KIAA1671: variants seen among roughly 807,000 people sequenced by gnomAD.
KIAA1671 encodes the protein uncharacterized protein KIAA1671.
KIAA1671 carries 52 observed loss-of-function variants against 131.2 expected under a neutral mutation model. That is an observed-to-expected ratio of 0.40 (90% CI 0.32 to 0.50). KIAA1671 has a LOEUF of 0.50. KIAA1671 is among the 20% of genes least tolerant of loss of function. The pLI, the probability that KIAA1671 is intolerant of heterozygous loss-of-function variation, is 0.73. For synonymous variants in KIAA1671, 1,003 were observed against 961.6 expected (o/e 1.04, Z -0.80); for missense variants, 2,360 against 2,364.2 (o/e 1.00, Z 0.04).
chr22:25,048,955 T>A, intron 5 of KIAA1671: 1 of 406,864 alleles, frequency 2.5e-6, no homozygotes, highest in South Asian at 3.2e-5. Flanking sequence ...AGCTGGGTGC[T>A]GTCATCATGG....
intron 6 of KIAA1671, among the ~76,000 whole-genome samples, chr22:25,066,269 C>G (rs540312846): frequency 6.6e-6 from 1 of 152,312 alleles, no homozygotes; most frequent in Admixed American, 6.5e-5. Flanking sequence ...CTACCTCAGC[C>G]TCCTGAGTAG....
intron 1 of KIAA1671, among the ~76,000 whole-genome samples, chr22:24,982,494 A>G (rs890399989): frequency 6.6e-6 from 1 of 152,184 alleles, no homozygotes; most frequent in African/African-American, 2.4e-5. Context: ...TCCCACACTC[A>G]TCAATGCAGA....
chr22:25,111,261 G>A (rs532500792), intron 6 of KIAA1671, among the ~76,000 whole-genome samples: 1 of 152,364 alleles, frequency 6.6e-6, no homozygotes, highest in Admixed American at 6.5e-5. Flanking sequence ...ATGCACACAC[G>A]TGCAGCCGCA....
chr22:25,100,220 C>G (rs1930594007), intron 6 of KIAA1671, among the ~76,000 whole-genome samples: 1 of 152,190 alleles, frequency 6.6e-6, no homozygotes, highest in South Asian at 2.1e-4. Context: ...AAGATGCCCT[C>G]TGAGGCCACC....
At chr22:24,985,336 GTTTC>G (rs1263600649) in intron 1 of KIAA1671, among the ~76,000 whole-genome samples, 1 of 149,544 alleles carries the variant, frequency 6.7e-6, no homozygotes, top group Non-Finnish European at 1.5e-5. Flanking sequence ...GCTGTGTTTT[GTTTC>G]TTTCTTTTTT....
chr22:25,177,638 A>G (rs1004960298), intron 9 of KIAA1671, 116 bp downstream of exon 9: 8 of 833,540 alleles, frequency 9.6e-6, no homozygotes, highest in Non-Finnish European at 1.5e-5. Flanking sequence ...GAACACAATT[A>G]CATAGGAAAC....
chr22:25,076,006 C>G (rs1040232400), intron 6 of KIAA1671, among the ~76,000 whole-genome samples: 1 of 151,848 alleles, frequency 6.6e-6, no homozygotes, highest in Non-Finnish European at 1.5e-5. Flanking sequence ...GAACTCCTGA[C>G]CTCAGGTGAT....
chr22:25,037,277 C>G (rs947400772), intron 4 of KIAA1671, among the ~76,000 whole-genome samples: 1 of 152,114 alleles, frequency 6.6e-6, no homozygotes, highest in Non-Finnish European at 1.5e-5. Context: ...GAGCCGAGAT[C>G]GTGCCATTGC....
At chr22:25,164,978 CGTGT>C (rs59765745) in intron 6 of KIAA1671, among the ~76,000 whole-genome samples, 16,117 of 116,454 alleles carry the variant, frequency 0.14, 1,221 homozygotes, top group East Asian at 0.3. Context: ...GAGTTGCAGG[CGTGT>C]GTGTGTGTGT....
At chr22:25,054,454 G>A (rs1927732591) in intron 6 of KIAA1671, 1 of 149,572 alleles carries the variant, frequency 6.7e-6, no homozygotes, top group African/African-American at 2.4e-5. Context: ...AGCCTCTTCT[G>A]TGTATGCAGG....
chr22:24,985,911 T>C (rs576276470), intron 1 of KIAA1671, among the ~76,000 whole-genome samples: 13 of 152,156 alleles, frequency 8.5e-5, no homozygotes, highest in African/African-American at 2.9e-4. Context: ...GCGAGGGTTG[T>C]GGGGTAACCC....
At chr22:25,124,248 G>A (rs916420603) in intron 6 of KIAA1671, among the ~76,000 whole-genome samples, 16 of 152,302 alleles carry the variant, frequency 1.1e-4, no homozygotes, top group Admixed American at 8.5e-4. Context: ...AAACAGCAGC[G>A]ACCGCTATGC....
rs996172952 is a variant in KIAA1671, at chr22:25,040,827, C to T, written c.3697C>T (p.Pro1233Ser). 2.6e-6 allele frequency: 4 copies of T among 1,551,570 alleles called. No individual in the cohort carries two copies. Among genetic ancestry groups the T allele is most frequent in the Non-Finnish European group, 3.5e-6 (4 of 1,146,904 alleles). Residue 1233 changes from proline (P) to serine (S), a missense_variant, in exon 5 of 13, where the codon CCT becomes TCT. Pro to Ser is a moderately conservative substitution (Grantham distance 74, BLOSUM62 -1). This residue lies in a region of KIAA1671 where 1,161 missense variants were observed against 1,204.7 expected (regional missense o/e 0.96). Coordinates refer to ENST00000358431, the MANE Select transcript of KIAA1671 (RefSeq NM_001145206.2). ...RSPTVEPSTL[P>S]RERPVQLGGV... is the part of the protein sequence containing the mutation. ...TCCCACCGTGGAGCCCAGTACGTTG[C>T]CTCGGGAGAGGCCTGTTCAGCTGGG...
At chr22:25,099,968 G>A (rs1930581610) in intron 6 of KIAA1671, among the ~76,000 whole-genome samples, 1 of 152,222 alleles carries the variant, frequency 6.6e-6, no homozygotes, top group Non-Finnish European at 1.5e-5. Flanking sequence ...TCTGCAAAAG[G>A]AGGCAGCTGA....
intron 6 of KIAA1671, among the ~76,000 whole-genome samples, chr22:25,143,170 C>T (rs1319051918): frequency 6.6e-6 from 1 of 152,242 alleles, no homozygotes; most frequent in Non-Finnish European, 1.5e-5. Context: ...TGGTGAGTGA[C>T]ATTCACCTTC....
intron 1 of KIAA1671, among the ~76,000 whole-genome samples, chr22:24,979,964 C>T (rs1422331694): frequency 1.3e-5 from 2 of 151,344 alleles, no homozygotes; most frequent in African/African-American, 2.4e-5. Flanking sequence ...GAATTCCCTT[C>T]TCTTTTTTTT....
intron 1 of KIAA1671, among the ~76,000 whole-genome samples, chr22:24,992,425 C>G (rs1247297319): frequency 6.6e-6 from 1 of 152,180 alleles, no homozygotes; most frequent in Non-Finnish European, 1.5e-5. Context: ...CTTCCCCTGC[C>G]TGACTGAACA....
chr22:24,966,313 G>C (rs5760763), intron 1 of KIAA1671, among the ~76,000 whole-genome samples: 3 of 152,202 alleles, frequency 2.0e-5, no homozygotes, highest in Non-Finnish European at 4.4e-5. Flanking sequence ...TGGGTCTGTA[G>C]GGCCTCCCTG....
intron 6 of KIAA1671, among the ~76,000 whole-genome samples, chr22:25,097,854 G>C (rs973359694): frequency 3.3e-5 from 5 of 152,150 alleles, no homozygotes; most frequent in Admixed American, 2.6e-4. Context: ...TTTACAGGAA[G>C]TTTTCCAAGT....
Sources: allele counts gnomAD v4.1 joint callset (sites outside exome capture counted in the v4.1 genomes callset), GRCh38; gene constraint gnomAD v4.1.1; regional missense constraint gnomAD v4.1.1; transcripts MANE v1.5; gene names NCBI Gene and HGNC (gene_info 2026-07-23, HGNC 2026-07-21).